The following SMAP1 variants were observed in gnomAD, a reference collection of about 807,000 sequenced individuals.
SMAP1 encodes small ArfGAP 1, also known as stromal membrane-associated protein 1.
In SMAP1, 24 loss-of-function variants were observed where a neutral mutation model predicts 58.5. The ratio of observed to expected loss-of-function variants is 0.41; its 90% CI spans 0.30 to 0.58. The LOEUF (loss-of-function observed/expected upper bound fraction) is 0.58, where lower values mean the gene tolerates loss of function less well. Among genes scored for constraint, SMAP1 ranks in the 20% least tolerant of loss-of-function variants. The pLI, the probability that SMAP1 is intolerant of heterozygous loss-of-function variation, is 0.29. For missense variants in SMAP1, 563 were observed against 566.3 expected (o/e 0.99, Z 0.06); for synonymous variants, 216 against 196.6 (o/e 1.10, Z -0.82).
intron 10 of SMAP1, chr6:70,859,934 G>A (rs144059956): frequency 1.3e-4 from 41 of 321,194 alleles, no homozygotes; most frequent in African/African-American, 5.8e-4. Flanking sequence ...TTAGAGTAGC[G>A]GACTCATTAA....
At chr6:70,826,191 C>T (rs1445081430) in intron 6 of SMAP1, among the ~76,000 whole-genome samples, 1 of 152,132 alleles carries the variant, frequency 6.6e-6, no homozygotes, top group Non-Finnish European at 1.5e-5. Flanking sequence ...CCAGTGTAGC[C>T]ATTCAGTATT....
chr6:70,693,281 G>T (rs976658540), intron 1 of SMAP1, among the ~76,000 whole-genome samples: 1 of 142,574 alleles, frequency 7.0e-6, no homozygotes, highest in East Asian at 2.1e-4. Flanking sequence ...TAGGATTTCT[G>T]TGAAGAATGT....
intron 2 of SMAP1, among the ~76,000 whole-genome samples, chr6:70,742,428 A>G (rs1007506660): frequency 1.3e-5 from 2 of 152,192 alleles, no homozygotes; most frequent in African/African-American, 4.8e-5. Context: ...AAAACATAGC[A>G]AGAGTCACCT....
intron 1 of SMAP1, among the ~76,000 whole-genome samples, chr6:70,685,518 G>A (rs146333996): frequency 1.5e-4 from 23 of 152,260 alleles, no homozygotes; most frequent in Admixed American, 1.4e-3. Flanking sequence ...AATAAAAGAG[G>A]TAGTTCTTGA....
At chr6:70,798,234 C>A (rs751585988) in intron 5 of SMAP1, among the ~76,000 whole-genome samples, 4 of 149,840 alleles carry the variant, frequency 2.7e-5, no homozygotes, top group Non-Finnish European at 5.9e-5. Flanking sequence ...TATAATTTAT[C>A]TTTGTGTAAT....
chr6:70,828,907 A>G (rs1770248038), intron 6 of SMAP1, among the ~76,000 whole-genome samples: 1 of 152,142 alleles, frequency 6.6e-6, no homozygotes, highest in South Asian at 2.1e-4. Context: ...TTAGCTGGGC[A>G]TGGCGGTGCA....
At chr6:70,729,948 G>T (rs113615432) in intron 1 of SMAP1, among the ~76,000 whole-genome samples, 1 of 152,142 alleles carries the variant, frequency 6.6e-6, no homozygotes, top group African/African-American at 2.4e-5. Context: ...TACTCTGGGG[G>T]TCACAGAATT....
At chr6:70,703,177 A>G (rs919055700) in intron 1 of SMAP1, among the ~76,000 whole-genome samples, 2 of 152,086 alleles carry the variant, frequency 1.3e-5, no homozygotes, top group Non-Finnish European at 2.9e-5. Context: ...TCTGGGCTCA[A>G]GCGATTCTCC....
chr6:70,696,822 A>G (rs558077295), intron 1 of SMAP1, among the ~76,000 whole-genome samples: 1 of 152,312 alleles, frequency 6.6e-6, no homozygotes, highest in South Asian at 2.1e-4. Context: ...GGATGATCTA[A>G]TGCTGAAAGT....
intron 6 of SMAP1, among the ~76,000 whole-genome samples, chr6:70,835,631 C>A (rs550779773): frequency 6.6e-6 from 1 of 152,098 alleles, no homozygotes; most frequent in Admixed American, 6.5e-5. Flanking sequence ...CTCAGCCTCC[C>A]GAGTAGCTGA....
intron 1 of SMAP1, chr6:70,668,580 C>T: frequency 6.5e-7 from 1 of 1,535,574 alleles, no homozygotes; most frequent in Non-Finnish European, 8.7e-7. Flanking sequence ...CTCTACCCTC[C>T]GGTGTGACCA....
intron 3 of SMAP1, chr6:70,759,743 C>T (rs1582128890): frequency 7.4e-6 from 2 of 269,462 alleles, no homozygotes; most frequent in East Asian, 8.8e-5. Context: ...ATATTTGGTC[C>T]TTTTCTATAG....
At chr6:70,839,199 T>C (rs1016312930) in intron 7 of SMAP1, among the ~76,000 whole-genome samples, 2 of 152,222 alleles carry the variant, frequency 1.3e-5, no homozygotes, top group African/African-American at 2.4e-5. Context: ...GTAACTTCAT[T>C]TGATACATTT....
At chr6:70,859,885 GTAGT>G (rs1158299120) in intron 10 of SMAP1, 3 of 219,380 alleles carry the variant, frequency 1.4e-5, no homozygotes, top group African/African-American at 6.9e-5. Flanking sequence ...TTACTCCTTA[GTAGT>G]TAAAGCACAA....
intron 3 of SMAP1, among the ~76,000 whole-genome samples, chr6:70,771,829 C>G (rs1767331847): frequency 6.6e-6 from 1 of 152,320 alleles, no homozygotes; most frequent in Admixed American, 6.5e-5. Context: ...GCAGAAATCA[C>G]CCATCTTCTG....
chr6:70,674,383 G>A (rs1766392831), intron 1 of SMAP1, among the ~76,000 whole-genome samples: 1 of 152,066 alleles, frequency 6.6e-6, no homozygotes, highest in African/African-American at 2.4e-5. Context: ...AAAGTGCTGT[G>A]ATTACAGGTG....
chr6:70,718,842 A>T (rs1768390514), intron 1 of SMAP1, among the ~76,000 whole-genome samples: 1 of 149,306 alleles, frequency 6.7e-6, no homozygotes, highest in Non-Finnish European at 1.5e-5. Flanking sequence ...AAAAAAAAAA[A>T]GTGTTGCTTG....
chr6:70,743,669 G>T (rs2149875800), intron 2 of SMAP1, among the ~76,000 whole-genome samples: 1 of 152,268 alleles, frequency 6.6e-6, no homozygotes, highest in Admixed American at 6.5e-5. Context: ...ATTTGATCAA[G>T]CTAACAACAT....
chr6:70,671,469 C>T (rs1766261577), intron 1 of SMAP1, among the ~76,000 whole-genome samples: 1 of 152,024 alleles, frequency 6.6e-6, no homozygotes, highest in South Asian at 2.1e-4. Context: ...ACGTGGGAGG[C>T]GGAGGCAAGA....
Sources: allele counts gnomAD v4.1 joint callset (sites outside exome capture counted in the v4.1 genomes callset), GRCh38; gene constraint gnomAD v4.1.1; transcripts MANE v1.5; gene names NCBI Gene and HGNC (gene_info 2026-07-23, HGNC 2026-07-21).